The following CRPPA variants were observed in gnomAD, a reference collection of about 807,000 sequenced individuals.
CRPPA encodes the protein D-ribitol-5-phosphate cytidylyltransferase.
CRPPA carries 43 observed loss-of-function variants against 52.0 expected under a neutral mutation model. That is an observed-to-expected ratio of 0.83 (90% CI 0.65 to 1.07). The LOEUF (loss-of-function observed/expected upper bound fraction) is 1.07. CRPPA is among the 50% of genes least tolerant of loss of function. CRPPA has a pLI of 0.00. For synonymous variants in CRPPA, 250 were observed against 203.5 expected, an observed-to-expected ratio of 1.23 and a Z score of -1.94; for missense variants, 629 against 551.7, an observed-to-expected ratio of 1.14 and a Z score of -1.40.
At chr7:16,387,366 G>A (rs895615223) in intron 2 of CRPPA, among the ~76,000 whole-genome samples, 3 of 151,898 alleles carry the variant, frequency 2.0e-5, no homozygotes, top group African/African-American at 7.2e-5. Flanking sequence ...ATGTTTGCAT[G>A]TATACTGTAG....
At chr7:16,150,096 C>T (rs779163253) in intron 9 of CRPPA, among the ~76,000 whole-genome samples, 1 of 151,826 alleles carries the variant, frequency 6.6e-6, no homozygotes, top group South Asian at 2.1e-4. Context: ...AACTGGTATT[C>T]CTCATTTTAC....
intron 9 of CRPPA, among the ~76,000 whole-genome samples, chr7:16,211,428 G>T (rs1024742084): frequency 1.5e-4 from 23 of 152,218 alleles, no homozygotes; most frequent in Admixed American, 3.9e-4. Flanking sequence ...TCTGTAAACA[G>T]ATTTGGTGTT....
chr7:16,216,081 G>A lies in CRPPA; in HGVS notation c.1236C>T (p.Leu412=), dbSNP rs779048533. ...KERNILLYGL[L]ISYPQDDQKL... ...TTTTACCTACCTGTGGGTAAGATAT[G>A]AGAAGCCCATATAACAAAATATTTC... is the stretch of plus-strand genomic sequence containing the variant. Residue 412 remains leucine (L), a synonymous_variant, in exon 9 of 10, where the codon CTC becomes CTT. Transcript: ENST00000407010. 3 of 1,594,780 alleles carry A rather than the reference G, an allele frequency of 1.9e-6. No homozygotes were observed. In the African/African-American group the frequency reaches 4.1e-5, roughly 22 times the overall value.
chr7:16,293,720 A>G (rs538270473), intron 5 of CRPPA, among the ~76,000 whole-genome samples: 1 of 152,042 alleles, frequency 6.6e-6, no homozygotes, highest in Non-Finnish European at 1.5e-5. Context: ...AAGCTAACTG[A>G]GCATGTTTCA....
intron 3 of CRPPA, among the ~76,000 whole-genome samples, chr7:16,309,157 C>T (rs890539704): frequency 2.6e-5 from 4 of 151,856 alleles, no homozygotes; most frequent in Admixed American, 6.6e-5. Flanking sequence ...TTTCATTGTG[C>T]GAAAAACTGT....
intron 9 of CRPPA, among the ~76,000 whole-genome samples, chr7:16,176,265 C>T (rs894686958): frequency 6.6e-6 from 1 of 152,076 alleles, no homozygotes; most frequent in African/African-American, 2.4e-5. Context: ...AGTTTAATAT[C>T]CTAGAGGAAA....
intron 2 of CRPPA, among the ~76,000 whole-genome samples, chr7:16,396,800 C>A (rs529610133): frequency 6.6e-6 from 1 of 152,132 alleles, no homozygotes. Flanking sequence ...ATGTGTGTAA[C>A]TAAAGATGTG....
chr7:16,291,205 T>C (rs1166689931), intron 5 of CRPPA, among the ~76,000 whole-genome samples: 1 of 151,968 alleles, frequency 6.6e-6, no homozygotes, highest in African/African-American at 2.4e-5. Flanking sequence ...ACAAGACCTC[T>C]ATGAAAAACA....
At chr7:16,257,352 C>T (rs1783672049) in intron 8 of CRPPA, among the ~76,000 whole-genome samples, 1 of 152,076 alleles carries the variant, frequency 6.6e-6, no homozygotes, top group Admixed American at 6.6e-5. Context: ...TCCTACAGAG[C>T]CTCAGAGGCT....
intron 8 of CRPPA, among the ~76,000 whole-genome samples, chr7:16,236,166 G>T (rs988515524): frequency 2.6e-5 from 4 of 152,088 alleles, no homozygotes; most frequent in African/African-American, 9.6e-5. Flanking sequence ...TCAGAACTCA[G>T]TCATTCTATA....
At chr7:16,246,679 T>C (rs570368092) in intron 8 of CRPPA, among the ~76,000 whole-genome samples, 1 of 152,352 alleles carries the variant, frequency 6.6e-6, no homozygotes, top group South Asian at 2.1e-4. Context: ...AGATCTTGGG[T>C]AACTAGGTAC....
Position 16,089,416 on chromosome 7 carries a change from C to A in CRPPA, c.*2279G>T. 3.0e-6 allele frequency: 1 copy of A among 333,574 alleles called. No individual in the cohort carries two copies. Among genetic ancestry groups the A allele is most frequent in the African/African-American group, 2.2e-5 (1 of 46,210 alleles). The allele number at this position is 333,574 out of a possible 1,614,324, so 20.7% of individuals were successfully genotyped here. On this transcript the variant is annotated 3_prime_UTR_variant, in exon 10 of 10. Coordinates refer to ENST00000407010, the MANE Select transcript of CRPPA (RefSeq NM_001101426.4). ...TATGTACATAATGTGTATATATGTA[C>A]GTACATACATATATGTGTATATATG...
intron 1 of CRPPA, among the ~76,000 whole-genome samples, chr7:16,412,166 A>G (rs1788089671): frequency 6.6e-6 from 1 of 152,182 alleles, no homozygotes; most frequent in Non-Finnish European, 1.5e-5. Flanking sequence ...ATTTCAAACA[A>G]TTGTATGAGA....
At chr7:16,105,318 C>A (rs1380534915) in intron 9 of CRPPA, among the ~76,000 whole-genome samples, 1 of 152,214 alleles carries the variant, frequency 6.6e-6, no homozygotes, top group Non-Finnish European at 1.5e-5. Context: ...GAAGAATGAT[C>A]TCACTCCAAC....
chr7:16,364,216 C>A (rs1441055208), intron 3 of CRPPA, among the ~76,000 whole-genome samples: 1 of 152,138 alleles, frequency 6.6e-6, no homozygotes, highest in African/African-American at 2.4e-5. Context: ...GCCTCAGGTA[C>A]TTATACCCAA....
At chr7:16,135,991 G>A (rs562027895) in intron 9 of CRPPA, among the ~76,000 whole-genome samples, 3 of 152,256 alleles carry the variant, frequency 2.0e-5, no homozygotes, top group African/African-American at 7.2e-5. Context: ...AGGAACAAAA[G>A]TAGAGAGCCA....
chr7:16,378,192 G>C (rs1320106081), intron 2 of CRPPA, among the ~76,000 whole-genome samples: 1 of 151,456 alleles, frequency 6.6e-6, no homozygotes, highest in Non-Finnish European at 1.5e-5. Flanking sequence ...CATGTGCCAT[G>C]CTGGTGCGCT....
intron 2 of CRPPA, among the ~76,000 whole-genome samples, chr7:16,381,989 A>G (rs1035276267): frequency 6.6e-6 from 1 of 151,992 alleles, no homozygotes; most frequent in African/African-American, 2.4e-5. Context: ...TAGTCCATTT[A>G]CATTTAAAGT....
chr7:16,286,586 T>C (rs1244933758), intron 5 of CRPPA, among the ~76,000 whole-genome samples: 1 of 152,170 alleles, frequency 6.6e-6, no homozygotes, highest in African/African-American at 2.4e-5. Flanking sequence ...CCTGAACCAA[T>C]TTCCTAATTC....
Sources: allele counts gnomAD v4.1 joint callset (sites outside exome capture counted in the v4.1 genomes callset), GRCh38; gene constraint gnomAD v4.1.1; transcripts MANE v1.5; gene names NCBI Gene and HGNC (gene_info 2026-07-23, HGNC 2026-07-21).